The following SPTB variants were observed in gnomAD, a reference collection of about 807,000 sequenced individuals.
The protein encoded by SPTB is spectrin beta, erythrocytic.
SPTB carries 45 observed loss-of-function variants against 256.2 expected under a neutral mutation model. The observed-to-expected ratio is 0.18, with a 90% CI of 0.14 to 0.23. The LOEUF (loss-of-function observed/expected upper bound fraction) is 0.23. Among genes scored for constraint, SPTB ranks in the 10% least tolerant of loss-of-function variants. The pLI, the probability that SPTB is intolerant of heterozygous loss-of-function variation, is 1.00. For synonymous variants in SPTB, 1,231 were observed against 1,243.1 expected (o/e 0.99, Z 0.21); for missense variants, 2,715 against 3,040.4 (o/e 0.89, Z 2.52).
At chr14:64,756,291 C>G (rs752970127) in intron 32 of SPTB, 1 of 152,308 alleles carries the variant, frequency 6.6e-6, no homozygotes, top group African/African-American at 2.4e-5. Context: ...ACTCCCAGGC[C>G]GGGCATGGTA....
rs141316856 is a variant in SPTB at position 64,825,886 on chromosome 14, G to T, written c.-51-2741C>A. Among the ~76,000 whole-genome samples the T allele has an allele frequency of 0.01, 1,534 of 152,340 alleles. 32 individuals carry two copies. Among genetic ancestry groups the T allele is most frequent in the Non-Finnish European group, 0.01 (689 of 68,038 alleles). ...TGCTTAAAAATGCCATCCCTCCTGTGGCCATGGCTCAGAGAAGGCAGCAGC... is the reference window on the plus strand; with the variant it reads ...TGCTTAAAAATGCCATCCCTCCTGTTGCCATGGCTCAGAGAAGGCAGCAGC... On this transcript the variant is annotated intron_variant, in intron 1 of 35. Transcript: ENST00000644917. The surrounding 1 kb of genome is among the most constrained non-coding windows in gnomAD (Gnocchi z 4.8).
intron 2 of SPTB, among the ~76,000 whole-genome samples, chr14:64,810,011 A>T (rs961004523): frequency 6.6e-6 from 1 of 152,210 alleles, no homozygotes; most frequent in Non-Finnish European, 1.5e-5. Flanking sequence ...AAGACAAATG[A>T]TTAAAAACTT....
chr14:64,794,767 A>T, intron 12 of SPTB, 150 bp from the exon 13 acceptor site: 1 of 1,022,642 alleles, frequency 9.8e-7, no homozygotes, highest in Admixed American at 2.0e-5. Flanking sequence ...AGGATGGAAG[A>T]AGCTCCAGAG....
rs550891194 is a variant in SPTB at position 64,761,778 on chromosome 14, G to A, written c.6345+4948C>T. 1.8e-4 allele frequency among the ~76,000 whole-genome samples: 27 copies of A among 152,270 alleles called. No homozygotes were observed. The South Asian group carries it at 4.1e-3, about 23-fold the overall frequency. The stretch of plus-strand genomic sequence containing the variant: ...TGAAGGAGCTGCTGGCTGCTTAGTC[G>A]CTCAGTGGCCCTGAGCCAGCCACTC... On this transcript the variant is annotated intron_variant, in intron 32 of 35. Transcript: ENST00000644917.
At chr14:64,770,235 G>A (rs1255094172) in intron 27 of SPTB, among the ~76,000 whole-genome samples, 1 of 152,220 alleles carries the variant, frequency 6.6e-6, no homozygotes, top group Non-Finnish European at 1.5e-5. Context: ...ACCTTAGATT[G>A]TGGGGATAGT....
At chr14:64,843,977 C>T (rs2083648507) in intron 1 of SPTB, among the ~76,000 whole-genome samples, 1 of 152,186 alleles carries the variant, frequency 6.6e-6, no homozygotes, top group African/African-American at 2.4e-5. Flanking sequence ...GGGATATTTC[C>T]TTTCAGCCAC....
At chr14:64,794,951 G>C (rs1377059654) in intron 12 of SPTB, among the ~76,000 whole-genome samples, 1 of 152,250 alleles carries the variant, frequency 6.6e-6, no homozygotes, top group African/African-American at 2.4e-5. Flanking sequence ...CACTGCGGCA[G>C]AGAGAGAGGA....
intron 9 of SPTB, among the ~76,000 whole-genome samples, chr14:64,799,543 C>A (rs1030458254): frequency 2.0e-5 from 3 of 152,246 alleles, no homozygotes; most frequent in Non-Finnish European, 2.9e-5. Flanking sequence ...GTCGAGGTTT[C>A]TCATCAATGC....
At position 64,806,387 on chromosome 14, in the gene SPTB, G is replaced by A. The variant is rs2082984145; in HGVS notation, c.149-1297C>T. ...GGGGAGGGTACATGGCAGTGGAGGGGGAGATCACAGCCAGGACATACCTGG... is the reference window on the plus strand; with the variant it reads ...GGGGAGGGTACATGGCAGTGGAGGGAGAGATCACAGCCAGGACATACCTGG... On this transcript the variant is annotated intron_variant, in intron 2 of 35. Coordinates refer to ENST00000644917, the MANE Select transcript of SPTB (RefSeq NM_001355436.2). The surrounding 1 kb of genome is among the most constrained non-coding windows in gnomAD (Gnocchi z 4.1). Among the ~76,000 whole-genome samples, 2 of 152,196 alleles carry A rather than the reference G, an allele frequency of 1.3e-5. No individual in the cohort carries two copies. Among genetic ancestry groups the A allele is most frequent in the South Asian group, 2.1e-4 (1 of 4,830 alleles).
Position 64,847,408 on chromosome 14 carries a change from G to A in SPTB, c.-51-24263C>T, listed in dbSNP as rs541906321. Reference sequence around the variant, plus strand: ...GAGGACCCCGATGTGGGCATCTAGGGGAGAATTTTCCAACCTGTGTCCAGT... The same window carrying A: ...GAGGACCCCGATGTGGGCATCTAGGAGAGAATTTTCCAACCTGTGTCCAGT... On this transcript the variant is annotated intron_variant, in intron 1 of 35. Transcript: ENST00000644917. This position sits in a 1 kb window ranked among gnomAD's most constrained non-coding sequence, Gnocchi z 5.9. Among the ~76,000 whole-genome samples the A allele has an allele frequency of 3.3e-5, 5 of 152,326 alleles. No individual in the cohort carries two copies. The highest frequency in any genetic ancestry group is 6.8e-3 in the Middle Eastern group (2 of 294).
Position 64,774,560 on chromosome 14 carries a change from C to T in SPTB, c.4843-33G>A, listed in dbSNP as rs562919451. 2.3e-5 allele frequency: 36 copies of T among 1,551,452 alleles called. No homozygotes were observed. In the East Asian group the frequency reaches 7.3e-4, roughly 32 times the overall value. ...GCAGCAGACGGTCAGCGCCAGAGCT[C>T]AGTCTGGCCATGATCCCTCCCTTGG... On this transcript the variant is annotated intron_variant, in intron 23 of 35. Transcript: ENST00000644917.
Position 64,749,180 on chromosome 14 carries a change from C to A in SPTB, c.*126G>T. 1 of 1,219,198 alleles carries A rather than the reference C, an allele frequency of 8.2e-7. No individual in the cohort carries two copies. Among genetic ancestry groups the A allele is most frequent in the Non-Finnish European group, 1.1e-6 (1 of 880,684 alleles). 75.5% of individuals were successfully genotyped at this position (1,219,198 alleles called of 1,614,324 possible). On this transcript the variant is annotated 3_prime_UTR_variant, in exon 36 of 36. Transcript: ENST00000644917. The surrounding 1 kb of genome is among the most constrained non-coding windows in gnomAD (Gnocchi z 4.7). Reference sequence around the variant, plus strand: ...CAGCTTTTGCAGTGCAGCGTGGGGCCCGGGGGCCCGGCCCGCGACTCGACT... The same window carrying A: ...CAGCTTTTGCAGTGCAGCGTGGGGCACGGGGGCCCGGCCCGCGACTCGACT...
At chr14:64,833,604 A>G (rs549050306) in intron 1 of SPTB, among the ~76,000 whole-genome samples, 134 of 151,916 alleles carry the variant, frequency 8.8e-4, no homozygotes, top group African/African-American at 3.1e-3. Flanking sequence ...CCCCTGCAGT[A>G]GGTGGAGGTG....
Position 64,749,541 on chromosome 14 carries a change from A to G in SPTB, c.6820-68T>C. On this transcript the variant is annotated intron_variant, in intron 35 of 35. Coordinates refer to ENST00000644917, the MANE Select transcript of SPTB (RefSeq NM_001355436.2). The surrounding 1 kb of genome is among the most constrained non-coding windows in gnomAD (Gnocchi z 4.7). ...CCCCCACCTCCCGGGCCAGGCAACA[A>G]TGGTGGGGGCTCTTGGGACTGCCCC... 6.2e-7 allele frequency: 1 copy of G among 1,600,892 alleles called. No individual in the cohort carries two copies. The highest frequency in any genetic ancestry group is 8.5e-7 in the Non-Finnish European group (1 of 1,178,000).
chr14:64,846,782 G>T, intron 1 of SPTB, among the ~76,000 whole-genome samples: 1 of 152,136 alleles, frequency 6.6e-6, no homozygotes, highest in Admixed American at 6.5e-5. Context: ...TGTCAGAAAG[G>T]GCCTTTGTCC....
intron 32 of SPTB, chr14:64,756,458 A>G (rs2082018581): frequency 6.6e-6 from 1 of 152,298 alleles, no homozygotes; most frequent in Non-Finnish European, 1.5e-5. Flanking sequence ...AGTCCCAGCT[A>G]CTTGGGAGGC....
In SPTB at chr14:64,793,330, G is replaced by T. The variant is rs371595430; in HGVS notation, c.2333C>A (p.Thr778Lys). Reference sequence around the variant, plus strand: ...CTTGTGCTTTTTCCCCAGGGCCCGCGTGGCCCCTTCGTCCTGCCCCACATC... The same window carrying T: ...CTTGTGCTTTTTCCCCAGGGCCCGCTTGGCCCCTTCGTCCTGCCCCACATC... ...GEDVGQDEGATRALGKKHKDF... is the reference protein window; with the variant it reads ...GEDVGQDEGAKRALGKKHKDF... The change falls in exon 14 of 36, where the codon ACG becomes AAG. Residue 778 changes from threonine to lysine, a missense_variant. Around this residue, in one of 4 missense-constraint regions of SPTB, gnomAD observed 2,239 missense variants for 2,384.4 expected, o/e 0.94. Transcript: ENST00000644917. The surrounding 1 kb of genome is among the most constrained non-coding windows in gnomAD (Gnocchi z 7.0). The T allele has an allele frequency of 3.1e-6, 5 of 1,609,624 alleles. No homozygotes were observed. In the African/African-American group the frequency reaches 4.0e-5, roughly 13 times the overall value.
In SPTB at chr14:64,807,653, T is replaced by C. The variant is rs1458561756; in HGVS notation, c.149-2563A>G. 6.6e-6 allele frequency among the ~76,000 whole-genome samples: 1 copy of C among 152,258 alleles called. No homozygotes were observed. The highest frequency in any genetic ancestry group is 6.5e-5 in the Admixed American group (1 of 15,290). ...GGCCCCAAGGTGAGAGGCATTTCCA[T>C]GAGCTGGCTGGCTCCAGCCGCCTGG... is the stretch of plus-strand genomic sequence containing the variant. On this transcript the variant is annotated intron_variant, in intron 2 of 35. Coordinates refer to ENST00000644917, the MANE Select transcript of SPTB (RefSeq NM_001355436.2). This position sits in a 1 kb window ranked among gnomAD's most constrained non-coding sequence, Gnocchi z 4.7.
At position 64,863,209 on chromosome 14, in the gene SPTB, CA is replaced by C. The variant is rs527591707; in HGVS notation, c.-52+16582del. The stretch of plus-strand genomic sequence containing the variant: ...AAACCAATCTTGGCTTCCTGTAGAC[CA>C]GGGGTGTCCAATCTTTTGGCTTTCC... On this transcript the variant is annotated intron_variant, in intron 1 of 35. Transcript: ENST00000644917. 1.9e-3 allele frequency among the ~76,000 whole-genome samples: 290 copies of C among 152,276 alleles called. 1 individual carries two copies. The highest frequency in any genetic ancestry group is 6.6e-3 in the African/African-American group (276 of 41,556).
Sources: allele counts gnomAD v4.1 joint callset (sites outside exome capture counted in the v4.1 genomes callset), GRCh38; gene constraint gnomAD v4.1.1; regional missense constraint gnomAD v4.1.1; non-coding constraint Gnocchi (gnomAD v3.1); transcripts MANE v1.5; gene names NCBI Gene and HGNC (gene_info 2026-07-23, HGNC 2026-07-21).